Variants in ANXA8 observed in about 807,000 individuals in gnomAD.
ANXA8 encodes the protein annexin A8.
ANXA8 carries 9 observed loss-of-function variants against 26.8 expected under a neutral mutation model. The observed-to-expected ratio is 0.34, with a 90% CI of 0.20 to 0.59. ANXA8 has a LOEUF of 0.59. Among genes scored for constraint, ANXA8 ranks in the 20% least tolerant of loss-of-function variants. ANXA8 has a pLI of 0.84. For missense variants in ANXA8, 83 were observed against 238.5 expected, an observed-to-expected ratio of 0.35 and a Z score of 4.29; for synonymous variants, 39 against 94.8, an observed-to-expected ratio of 0.41 and a Z score of 3.42.
chr10:47,710,159 T>C, the ANXA8 span: 20 of 798,708 alleles, frequency 2.5e-5, no homozygotes, highest in East Asian at 1.8e-4. Flanking sequence ...TAAAAAATAT[T>C]ATTTGTCAAG....
At chr10:47,496,963 G>A in the ANXA8 span, among the ~76,000 whole-genome samples, 2 of 142,460 alleles carry the variant, frequency 1.4e-5, no homozygotes, top group Non-Finnish European at 3.0e-5. Flanking sequence ...CCCCCTCATA[G>A]GGGGAAAGAT....
chr10:47,652,495 G>A, the ANXA8 span, among the ~76,000 whole-genome samples: 1 of 151,172 alleles, frequency 6.6e-6, no homozygotes, highest in Non-Finnish European at 1.5e-5. Flanking sequence ...TACTGGGGAG[G>A]CTGAGGCACG....
the ANXA8 span, among the ~76,000 whole-genome samples, chr10:47,522,147 G>C: frequency 9.8e-5 from 14 of 142,502 alleles, 1 homozygote; most frequent in Middle Eastern, 3.6e-3. Context: ...AGGGACAAAG[G>C]GGGAGCCACG....
the ANXA8 span, among the ~76,000 whole-genome samples, chr10:47,962,663 T>TGTGC: frequency 3.5e-5 from 1 of 28,450 alleles, no homozygotes; most frequent in Non-Finnish European, 8.7e-5. Flanking sequence ...GACACACACT[T>TGTGC]ATAAGCACAC....
the ANXA8 span, among the ~76,000 whole-genome samples, chr10:47,663,203 G>T: frequency 1.1e-4 from 16 of 147,896 alleles, no homozygotes; most frequent in Non-Finnish European, 1.6e-4. Context: ...AAAAGTCTAT[G>T]TGGAAGACAC....
the ANXA8 span, among the ~76,000 whole-genome samples, chr10:47,632,961 GA>G: frequency 1.5e-5 from 2 of 136,584 alleles, no homozygotes; most frequent in Non-Finnish European, 1.5e-5. Flanking sequence ...AGATAAACAG[GA>G]TTACTTAGAA....
chr10:47,595,385 T>C, the ANXA8 span, among the ~76,000 whole-genome samples: 1 of 146,858 alleles, frequency 6.8e-6, no homozygotes, highest in African/African-American at 2.7e-5. Flanking sequence ...AACAAAACTA[T>C]GACAGGAACA....
chr10:47,655,785 C>T, the ANXA8 span, among the ~76,000 whole-genome samples: 2 of 151,900 alleles, frequency 1.3e-5, no homozygotes, highest in East Asian at 3.8e-4. Flanking sequence ...CTTTGGGAGG[C>T]CGAGGTGGGC....
the ANXA8 span, among the ~76,000 whole-genome samples, chr10:47,873,325 G>A: frequency 2.2e-5 from 3 of 136,066 alleles, no homozygotes; most frequent in Non-Finnish European, 3.3e-5. Flanking sequence ...TGCCTCCCCA[G>A]CCCTCGTTTC....
At chr10:47,609,599 A>G in the ANXA8 span, among the ~76,000 whole-genome samples, 6 of 29,918 alleles carry the variant, frequency 2.0e-4, no homozygotes, top group African/African-American at 9.4e-4. Flanking sequence ...GGGAGAATAG[A>G]ACATAAAGTA....
At chr10:47,657,209 G>A in the ANXA8 span, among the ~76,000 whole-genome samples, 7 of 151,512 alleles carry the variant, frequency 4.6e-5, no homozygotes, top group African/African-American at 1.7e-4. Flanking sequence ...CCTTTCTCTG[G>A]TCTAAGATTA....
the ANXA8 span, among the ~76,000 whole-genome samples, chr10:47,522,174 C>T: frequency 2.1e-5 from 3 of 141,716 alleles, no homozygotes; most frequent in African/African-American, 5.3e-5. Flanking sequence ...AACACTCTTA[C>T]AGGGAAGTCT....
At chr10:47,489,841 G>A in the ANXA8 span, among the ~76,000 whole-genome samples, 1 of 138,290 alleles carries the variant, frequency 7.2e-6, no homozygotes, top group Non-Finnish European at 1.5e-5. Flanking sequence ...TACATCCCTG[G>A]GCATCCTAGA....
the ANXA8 span, among the ~76,000 whole-genome samples, chr10:47,628,452 T>C: frequency 6.6e-6 from 1 of 151,160 alleles, no homozygotes; most frequent in African/African-American, 2.4e-5. Flanking sequence ...GGTTGTATAA[T>C]TTGTCAAGCA....
the ANXA8 span, among the ~76,000 whole-genome samples, chr10:47,556,631 T>G: frequency 2.6e-5 from 4 of 151,872 alleles, no homozygotes; most frequent in Non-Finnish European, 4.4e-5. Flanking sequence ...CATATATAAC[T>G]GCAGGGAATA....
the ANXA8 span, chr10:47,507,462 A>T: frequency 1.4e-5 from 19 of 1,401,266 alleles, 5 homozygotes; most frequent in South Asian, 2.3e-4. Context: ...ACAGCTTATG[A>T]TGTCTAGAGC....
the ANXA8 span, among the ~76,000 whole-genome samples, chr10:47,579,726 G>C: frequency 3.0e-5 from 2 of 67,520 alleles, 1 homozygote; most frequent in Admixed American, 3.2e-4. Context: ...AAGATGGAAA[G>C]AGATAATCCA....
chr10:47,500,500 C>T, the ANXA8 span, among the ~76,000 whole-genome samples: 1 of 151,534 alleles, frequency 6.6e-6, no homozygotes, highest in African/African-American at 2.4e-5. Context: ...CTTGCCAGAG[C>T]CTCTTGGTCT....
the ANXA8 span, among the ~76,000 whole-genome samples, chr10:47,686,378 C>T: frequency 4.6e-5 from 7 of 151,546 alleles, no homozygotes; most frequent in African/African-American, 9.7e-5. Flanking sequence ...GCCACCATAC[C>T]TGGCTAATTT....
Sources: allele counts gnomAD v4.1 joint callset (sites outside exome capture counted in the v4.1 genomes callset), GRCh38; gene constraint gnomAD v4.1.1; transcripts MANE v1.5; gene names NCBI Gene and HGNC (gene_info 2026-07-23, HGNC 2026-07-21).